Variants in STPG2 observed in about 807,000 individuals in gnomAD.
STPG2 encodes sperm tail PG-rich repeat containing 2.
Under a neutral mutation model 54.2 loss-of-function variants are expected in STPG2, and 56 were observed. The ratio of observed to expected loss-of-function variants is 1.03; its 90% CI spans 0.83 to 1.29. The LOEUF is 1.29. Ranked by LOEUF, STPG2 falls within the 50% of genes most tolerant of loss-of-function variation. STPG2 has a pLI of 0.00. For synonymous variants in STPG2, 200 were observed against 181.8 expected (o/e 1.10, Z -0.81); for missense variants, 596 against 544.9 (o/e 1.09, Z -0.93).
At chr4:97,498,119 T>C (rs960281064) in intron 4 of STPG2, among the ~76,000 whole-genome samples, 2 of 151,942 alleles carry the variant, frequency 1.3e-5, no homozygotes, top group African/African-American at 4.8e-5. Flanking sequence ...ATTTGTTTTG[T>C]AAATTGAAGA....
At chr4:97,915,106 C>T (rs866329254) in intron 8 of STPG2, among the ~76,000 whole-genome samples, 1 of 152,078 alleles carries the variant, frequency 6.6e-6, no homozygotes, top group Non-Finnish European at 1.5e-5. Flanking sequence ...AATTTAATCC[C>T]ACAGTTTAAG....
At chr4:97,845,764 G>A (rs1181219295) in intron 8 of STPG2, among the ~76,000 whole-genome samples, 2 of 152,152 alleles carry the variant, frequency 1.3e-5, no homozygotes, top group East Asian at 1.9e-4. Context: ...AAAGATAACA[G>A]AGATTGGTAA....
At chr4:98,069,072 A>G (rs1237782470) in intron 5 of STPG2, among the ~76,000 whole-genome samples, 1 of 152,082 alleles carries the variant, frequency 6.6e-6, no homozygotes, top group Non-Finnish European at 1.5e-5. Flanking sequence ...ACATTTTTAC[A>G]TTTTTAAAAA....
intron 9 of STPG2, among the ~76,000 whole-genome samples, chr4:97,807,711 G>A (rs1727614547): frequency 6.6e-6 from 1 of 151,754 alleles, no homozygotes. Context: ...AGGAGTATGA[G>A]GCAAAAGAAG....
chr4:97,536,240 G>T (rs776683599), intron 4 of STPG2, among the ~76,000 whole-genome samples: 1 of 152,164 alleles, frequency 6.6e-6, no homozygotes, highest in Non-Finnish European at 1.5e-5. Flanking sequence ...TGATCTATGG[G>T]TGAAATGGTT....
At chr4:97,772,561 T>G (rs1020196703) in intron 9 of STPG2, among the ~76,000 whole-genome samples, 1 of 152,176 alleles carries the variant, frequency 6.6e-6, no homozygotes, top group African/African-American at 2.4e-5. Context: ...TATATAAGCT[T>G]ACATTGTAAT....
chr4:97,846,907 T>C (rs1728972953), intron 8 of STPG2, among the ~76,000 whole-genome samples: 1 of 152,144 alleles, frequency 6.6e-6, no homozygotes, highest in Non-Finnish European at 1.5e-5. Flanking sequence ...TTATAACTTG[T>C]TCTAGCTGTT....
chr4:97,889,859 T>C (rs1372438710), intron 8 of STPG2, among the ~76,000 whole-genome samples: 1 of 152,132 alleles, frequency 6.6e-6, no homozygotes, highest in East Asian at 1.9e-4. Flanking sequence ...TAATGTGAGG[T>C]ACTACACATT....
intron 5 of STPG2, among the ~76,000 whole-genome samples, chr4:97,983,503 A>C (rs1734739820): frequency 6.6e-6 from 1 of 152,192 alleles, no homozygotes; most frequent in African/African-American, 2.4e-5. Context: ...TGACTCATGA[A>C]TGCCAATGTT....
At chr4:97,555,245 C>T (rs1732050647), downstream of STPG2, among the ~76,000 whole-genome samples, 2 of 152,152 alleles carry the variant, frequency 1.3e-5, no homozygotes, top group African/African-American at 4.8e-5. Context: ...TTGAAACGTA[C>T]TCTACATATT....
At chr4:97,735,519 G>A (rs534905513) in intron 9 of STPG2, among the ~76,000 whole-genome samples, 24 of 150,250 alleles carry the variant, frequency 1.6e-4, no homozygotes, top group East Asian at 3.9e-4. Flanking sequence ...TCCCTGTAAC[G>A]AAAAGGGAGA....
intron 10 of STPG2, among the ~76,000 whole-genome samples, chr4:97,613,132 C>A (rs1308498973): frequency 6.6e-6 from 1 of 151,988 alleles, no homozygotes; most frequent in African/African-American, 2.4e-5. Context: ...CCAGAATTTT[C>A]TTTTTCAACA....
chr4:97,822,675 G>A (rs921409172), intron 9 of STPG2, among the ~76,000 whole-genome samples: 5 of 152,300 alleles, frequency 3.3e-5, no homozygotes, highest in African/African-American at 1.2e-4. Context: ...TATGGCAGAA[G>A]ACAAAGCAGG....
chr4:97,600,516 C>T (rs1001020389), intron 10 of STPG2, among the ~76,000 whole-genome samples: 5 of 152,120 alleles, frequency 3.3e-5, no homozygotes, highest in Admixed American at 6.6e-5. Flanking sequence ...TTTACATTGG[C>T]GAGGGCTCAT....
At chr4:97,994,686 T>C (rs1735146637) in intron 5 of STPG2, among the ~76,000 whole-genome samples, 1 of 152,150 alleles carries the variant, frequency 6.6e-6, no homozygotes, top group African/African-American at 2.4e-5. Context: ...TACCAGCACC[T>C]ACTCTGGTGG....
At chr4:97,451,122 G>A (rs2148798078) in intron 4 of STPG2, among the ~76,000 whole-genome samples, 1 of 152,044 alleles carries the variant, frequency 6.6e-6, no homozygotes, top group Non-Finnish European at 1.5e-5. Context: ...AAAGACCCAG[G>A]GTCAAGACTT....
rs112790496 is a variant in STPG2 at position 98,084,583 on chromosome 4, T to C, written c.612+21370A>G. 5.9e-3 allele frequency among the ~76,000 whole-genome samples: 903 copies of C among 152,328 alleles called. 6 individuals are homozygous for C. The highest frequency in any genetic ancestry group is 0.02 in the Middle Eastern group (6 of 294). ...ATTTTACATTCCCATAAGGGATGTA[T>C]GAAGAGTTCTAGTTGCTACATATTG... On this transcript the variant is annotated intron_variant, in intron 5 of 10. Transcript: ENST00000295268.
At chr4:98,038,902 A>T (rs531049617) in intron 5 of STPG2, among the ~76,000 whole-genome samples, 18 of 152,124 alleles carry the variant, frequency 1.2e-4, no homozygotes, top group African/African-American at 4.3e-4. Flanking sequence ...AAACATAGGA[A>T]ACAATGTCAA....
chr4:98,049,555 A>G (rs1737247198), intron 5 of STPG2, among the ~76,000 whole-genome samples: 1 of 152,230 alleles, frequency 6.6e-6, no homozygotes, highest in South Asian at 2.1e-4. Context: ...CCATAATGAT[A>G]GTTTTTAAAA....
Sources: allele counts gnomAD v4.1 joint callset (sites outside exome capture counted in the v4.1 genomes callset), GRCh38; gene constraint gnomAD v4.1.1; transcripts MANE v1.5; gene names NCBI Gene and HGNC (gene_info 2026-07-23, HGNC 2026-07-21).